The following ABCC1 variants were observed in gnomAD, a reference collection of about 807,000 sequenced individuals.
ABCC1 encodes the protein ATP binding cassette subfamily C member 1 (ABCC1 blood group).
ABCC1 carries 83 observed loss-of-function variants against 172.9 expected under a neutral mutation model. The observed-to-expected ratio is 0.48, with a 90% CI of 0.40 to 0.58. ABCC1 has a LOEUF of 0.58. Among genes scored for constraint, ABCC1 ranks in the 20% least tolerant of loss-of-function variants. The pLI, the probability that ABCC1 is intolerant of heterozygous loss-of-function variation, is 0.00. For synonymous variants in ABCC1, 937 were observed against 825.2 expected (o/e 1.14, Z -2.32); for missense variants, 1,817 against 2,002.7 (o/e 0.91, Z 1.77).
In ABCC1 at chr16:16,071,694, A is replaced by C. The variant is rs1449683093; in HGVS notation, c.1877A>C (p.Glu626Ala). The change falls in exon 14 of 31, where the codon GAA (glutamate) becomes GCA (alanine). Residue 626 changes from glutamate (E) to alanine (A), a missense_variant. By Grantham distance (107) the Glu-to-Ala change is moderately radical. This residue lies in a region of ABCC1 where 1,412 missense variants were observed against 1,600.3 expected (regional missense o/e 0.88). Transcript: ENST00000399410. The stretch of plus-strand genomic sequence containing the variant: ...ATCTTTCTCTCCCATGAGGAGCTGG[A>C]ACCTGACAGCATCGAGCGACGGCCT... ...LRIFLSHEEL[E>A]PDSIERRPVK... 1.2e-6 allele frequency: 2 copies of C among 1,613,926 alleles called. No homozygotes were observed. The highest frequency in any genetic ancestry group is 2.7e-5 in the African/African-American group (2 of 74,928).
intron 12 of ABCC1, among the ~76,000 whole-genome samples, chr16:16,060,022 A>C (rs969093203): frequency 3.9e-5 from 6 of 151,934 alleles, no homozygotes; most frequent in African/African-American, 1.5e-4. Context: ...AATGAAATCA[A>C]TGCTGAGCTC....
At chr16:16,055,007 T>G (rs1266735175) in intron 11 of ABCC1, among the ~76,000 whole-genome samples, 2 of 151,872 alleles carry the variant, frequency 1.3e-5, no homozygotes, top group African/African-American at 4.8e-5. Context: ...AGGCAGGAGG[T>G]TGGCTTGTGG....
intron 1 of ABCC1, among the ~76,000 whole-genome samples, chr16:15,953,860 A>G (rs2151477646): frequency 6.6e-6 from 1 of 152,174 alleles, no homozygotes; most frequent in South Asian, 2.1e-4. Flanking sequence ...TGGGCCTTGG[A>G]GTCAGTCTGA....
chr16:15,971,616 TCC>T (rs1821493792), intron 1 of ABCC1, among the ~76,000 whole-genome samples: 2 of 152,298 alleles, frequency 1.3e-5, no homozygotes, highest in South Asian at 2.1e-4. Flanking sequence ...TCTGGCTACT[TCC>T]TGGTGAAAAG....
chr16:16,081,379 G>C (rs890904721), intron 16 of ABCC1, among the ~76,000 whole-genome samples: 12 of 152,140 alleles, frequency 7.9e-5, no homozygotes, highest in African/African-American at 2.9e-4. Flanking sequence ...AATCCCGATG[G>C]GATCCACATT....
Position 16,132,512 on chromosome 16 carries a change from T to G in ABCC1, c.3966+577T>G, listed in dbSNP as rs1356325127. ...CTTTTTTTGTTTTTTGGTTGGTTGT[T>G]TTTTTTTTTTTTTTTTTTTTTTTTT... On this transcript the variant is annotated intron_variant, in intron 27 of 30. Transcript: ENST00000399410. Among the ~76,000 whole-genome samples the G allele has an allele frequency of 3.4e-4, 12 of 35,622 alleles. 1 individual carries two copies. The highest frequency in any genetic ancestry group is 1.2e-3 in the East Asian group (1 of 864). 23.4% of individuals were successfully genotyped at this position (35,622 alleles called of 152,430 possible). A position where few individuals can be genotyped will look rare whatever the true frequency, so the allele number is the denominator to read the frequency against.
intron 5 of ABCC1, among the ~76,000 whole-genome samples, chr16:16,017,137 C>A (rs1416300913): frequency 4.6e-5 from 7 of 152,158 alleles, no homozygotes; most frequent in Non-Finnish European, 1.0e-4. Context: ...CAGAGAAATT[C>A]TGTAAATATG....
intron 23 of ABCC1, among the ~76,000 whole-genome samples, chr16:16,116,125 C>CA (rs2044853708): frequency 6.6e-6 from 1 of 151,984 alleles, no homozygotes; most frequent in Admixed American, 6.6e-5. Flanking sequence ...AGGATGGTCT[C>CA]AATCTCCTGA....
intron 5 of ABCC1, among the ~76,000 whole-genome samples, chr16:16,022,755 G>C (rs45523535): frequency 6.6e-6 from 1 of 152,154 alleles, no homozygotes; most frequent in African/African-American, 2.4e-5. Flanking sequence ...ATTTTACTAT[G>C]AACATTCTTA....
At chr16:15,991,938 G>A (rs1384973371) in intron 1 of ABCC1, among the ~76,000 whole-genome samples, 1 of 152,090 alleles carries the variant, frequency 6.6e-6, no homozygotes, top group East Asian at 1.9e-4. Context: ...TGCATGCCCT[G>A]TTAGGAACCA....
intron 1 of ABCC1, among the ~76,000 whole-genome samples, chr16:15,957,246 A>ATTTTT (rs1157024430): frequency 7.6e-6 from 1 of 131,118 alleles, no homozygotes; most frequent in East Asian, 2.1e-4. Flanking sequence ...TGCCCAGCTA[A>ATTTTT]TTTTTTTTTT....
rs1463874727 is a variant in ABCC1 at position 16,003,214 on chromosome 16, T to G, written c.49-4602T>G. On this transcript the variant is annotated intron_variant, in intron 1 of 30. Coordinates refer to ENST00000399410, the MANE Select transcript of ABCC1 (RefSeq NM_004996.4). ...TGGGTAGGGTGGATGGATGAATTGG[T>G]GGATGGGTAGGTGGATGGATGAATG... Among the ~76,000 whole-genome samples, 3 of 147,190 alleles carry G rather than the reference T, an allele frequency of 2.0e-5. No individual in the cohort carries two copies. The Admixed American group carries it at 2.0e-4, about 10-fold the overall frequency.
intron 5 of ABCC1, 51 bp from the exon 6 acceptor site, chr16:16,033,058 C>T (rs1239841145): frequency 1.9e-6 from 3 of 1,574,296 alleles, no homozygotes; most frequent in Admixed American, 3.3e-5. Context: ...GATGAAAAGT[C>T]AAATCATTCC....
intron 16 of ABCC1, 29 bp downstream of exon 16, chr16:16,079,507 G>A: frequency 1.3e-6 from 2 of 1,593,174 alleles, no homozygotes; most frequent in Non-Finnish European, 1.7e-6. Context: ...GGGAGGGGCA[G>A]TGGGGAAGCT....
chr16:16,101,569 G>A (rs191022236), intron 19 of ABCC1, among the ~76,000 whole-genome samples: 35 of 152,222 alleles, frequency 2.3e-4, no homozygotes, highest in Admixed American at 1.8e-3. Flanking sequence ...TGCTGGCTGC[G>A]TATTTATCCC....
chr16:16,049,782 C>G (rs553218371), intron 10 of ABCC1, among the ~76,000 whole-genome samples: 2 of 152,258 alleles, frequency 1.3e-5, no homozygotes, highest in African/African-American at 4.8e-5. Flanking sequence ...CTCCCAGCTT[C>G]AAGCAATTCT....
intron 1 of ABCC1, among the ~76,000 whole-genome samples, chr16:15,954,610 G>T (rs1357019468): frequency 6.6e-6 from 1 of 152,164 alleles, no homozygotes; most frequent in Non-Finnish European, 1.5e-5. Context: ...AGGCCAATCA[G>T]GAGCGGATTC....
intron 14 of ABCC1, among the ~76,000 whole-genome samples, chr16:16,072,695 C>T (rs187609618): frequency 6.6e-6 from 1 of 151,898 alleles, no homozygotes; most frequent in Non-Finnish European, 1.5e-5. Flanking sequence ...CGTTTCCCAG[C>T]CCATCCCCCT....
At chr16:15,966,207 G>C (rs1187015623) in intron 1 of ABCC1, among the ~76,000 whole-genome samples, 5 of 152,016 alleles carry the variant, frequency 3.3e-5, no homozygotes, top group African/African-American at 9.7e-5. Context: ...GAGGTCAGGA[G>C]TTGGAGACCA....
Sources: gnomAD v4.1 joint callset for allele counts (sites outside exome capture counted in the v4.1 genomes callset) on GRCh38, gnomAD v4.1.1 for gene constraint, gnomAD v4.1.1 regional missense constraint, MANE v1.5 for transcripts, NCBI Gene and HGNC (gene_info 2026-07-23, HGNC 2026-07-21) for gene names.